The following LRRC7 variants were observed in gnomAD, a reference collection of about 807,000 sequenced individuals.
LRRC7 encodes the protein leucine rich repeat containing 7.
LRRC7 carries 23 observed loss-of-function variants against 175.7 expected under a neutral mutation model. The ratio of observed to expected loss-of-function variants is 0.13; its 90% confidence interval spans 0.09 to 0.19. The LOEUF (loss-of-function observed/expected upper bound fraction) is 0.19. Among genes scored for constraint, LRRC7 ranks in the 10% least tolerant of loss-of-function variants. The probability of loss-of-function intolerance (pLI) is 1.00; values close to 1 mark genes in which losing one functional copy is unlikely to be tolerated. For synonymous variants in LRRC7, 685 were observed against 680.9 expected, an observed-to-expected ratio of 1.01 and a Z score of -0.09; for missense variants, 1,354 against 1,904.7, an observed-to-expected ratio of 0.71 and a Z score of 5.38.
chr1:70,082,812 T>TTTTTTTA (rs1663321284), intron 24 of LRRC7, among the ~76,000 whole-genome samples: 1 of 139,690 alleles, frequency 7.2e-6, no homozygotes, highest in Non-Finnish European at 1.5e-5. Context: ...TTTTTTTTTT[T>TTTTTTTA]GAGACAAAGC....
chr1:69,980,275 C>G, intron 8 of LRRC7, 104 bp from the exon 9 acceptor site: 1 of 1,015,696 alleles, frequency 9.8e-7, no homozygotes, highest in Non-Finnish European at 1.5e-6. Flanking sequence ...ACTAGATTCC[C>G]AAATAAAAGC....
Position 69,934,509 on chromosome 1 carries a change from GGGT to G in LRRC7, c.711+2942_711+2944del, listed in dbSNP as rs1570718817. ...GATATTTTGGCGGGGGGGGGGCGGG[GGGT>G]GGGGGGTTTTGTTGTTTCTTTCATG... On this transcript the variant is annotated intron_variant, in intron 8 of 26. Coordinates refer to ENST00000651989, the MANE Select transcript of LRRC7 (RefSeq NM_001370785.2). Among the ~76,000 whole-genome samples, 656 of 90,128 alleles carry G rather than the reference GGGT, an allele frequency of 7.3e-3. 1 individual carries two copies. Among genetic ancestry groups the G allele is most frequent in the East Asian group, 0.025 (59 of 2,320 alleles). 59.1% of individuals were successfully genotyped at this position (90,128 alleles called of 152,430 possible).
At chr1:69,574,893 A>C (rs1460424977) in intron 1 of LRRC7, among the ~76,000 whole-genome samples, 1 of 152,214 alleles carries the variant, frequency 6.6e-6, no homozygotes, top group Non-Finnish European at 1.5e-5. Flanking sequence ...AGACAATTAT[A>C]AAAGCTATTG....
At chr1:69,906,719 C>T (rs1366051873) in intron 7 of LRRC7, among the ~76,000 whole-genome samples, 1 of 152,054 alleles carries the variant, frequency 6.6e-6, no homozygotes, top group Non-Finnish European at 1.5e-5. Flanking sequence ...GTTCTTTTGG[C>T]TTAGGATTGA....
At chr1:69,964,913 G>A (rs971016643) in intron 8 of LRRC7, among the ~76,000 whole-genome samples, 10 of 152,160 alleles carry the variant, frequency 6.6e-5, no homozygotes, top group Admixed American at 5.9e-4. Flanking sequence ...CTGGTTTGAT[G>A]CAGACACCCT....
At chr1:70,053,922 A>G (rs1660933618) in intron 23 of LRRC7, among the ~76,000 whole-genome samples, 1 of 152,212 alleles carries the variant, frequency 6.6e-6, no homozygotes, top group Non-Finnish European at 1.5e-5. Context: ...GGGAAATGCA[A>G]AAGATATGCC....
chr1:69,955,030 C>A (rs191961501), intron 8 of LRRC7, among the ~76,000 whole-genome samples: 161 of 152,152 alleles, frequency 1.1e-3, no homozygotes, highest in Non-Finnish European at 1.2e-3. Context: ...TTCATTTCTT[C>A]GTTCATTCAA....
chr1:69,789,988 A>G (rs1376868189), intron 3 of LRRC7, among the ~76,000 whole-genome samples: 1 of 152,024 alleles, frequency 6.6e-6, no homozygotes, highest in Non-Finnish European at 1.5e-5. Flanking sequence ...AGACACATCC[A>G]TATTGTAGTG....
In LRRC7 at chr1:69,695,729, C is replaced by T. The variant is rs563798380; in HGVS notation, c.100+17251C>T. On this transcript the variant is annotated intron_variant, in intron 2 of 26. Transcript: ENST00000651989. Reference sequence around the variant, plus strand: ...AGGACATAGCTCCCCACATGCCAGCCGCTCTGGCTTCAGCCTTAGCTTAAA... The same window carrying T: ...AGGACATAGCTCCCCACATGCCAGCTGCTCTGGCTTCAGCCTTAGCTTAAA... Among the ~76,000 whole-genome samples the T allele has an allele frequency of 9.2e-5, 14 of 152,322 alleles. No homozygotes were observed. In the South Asian group the frequency reaches 1.2e-3, roughly 14 times the overall value.
intron 26 of LRRC7, 111 bp downstream of exon 26, chr1:70,107,937 T>A: frequency 1.1e-6 from 1 of 943,890 alleles, no homozygotes; most frequent in Non-Finnish European, 1.6e-6. Flanking sequence ...CCTTCTCACA[T>A]TGCTTATTTG....
chr1:70,045,175 A>G (rs937578129), intron 22 of LRRC7, among the ~76,000 whole-genome samples: 5 of 146,282 alleles, frequency 3.4e-5, no homozygotes, highest in African/African-American at 1.2e-4. Context: ...CCGTAACTTT[A>G]AAAAAAAAAA....
At chr1:69,988,410 A>C (rs1654132465) in intron 10 of LRRC7, among the ~76,000 whole-genome samples, 1 of 152,192 alleles carries the variant, frequency 6.6e-6, no homozygotes, top group Admixed American at 6.5e-5. Flanking sequence ...TCTCTGAAAA[A>C]AAAATTCTAA....
chr1:69,673,001 A>C (rs1360165467), intron 1 of LRRC7, among the ~76,000 whole-genome samples: 2 of 152,158 alleles, frequency 1.3e-5, no homozygotes, highest in African/African-American at 4.8e-5. Context: ...CTCAGGCCCT[A>C]CATATCTGTG....
chr1:70,118,611 A>C (rs1048444089), intron 26 of LRRC7, among the ~76,000 whole-genome samples: 8 of 152,172 alleles, frequency 5.3e-5, no homozygotes, highest in African/African-American at 1.9e-4. Context: ...TATTTCAATG[A>C]AGTAATGAAA....
chr1:70,116,950 C>A (rs74534425), intron 26 of LRRC7, among the ~76,000 whole-genome samples: 3,250 of 152,282 alleles, frequency 0.021, 117 homozygotes, highest in African/African-American at 0.076. Flanking sequence ...ACCATGAAGG[C>A]TTGCTCTTAA....
chr1:69,839,987 A>G (rs74759039), intron 7 of LRRC7, among the ~76,000 whole-genome samples: 2,603 of 152,144 alleles, frequency 0.017, 77 homozygotes, highest in African/African-American at 0.06. Flanking sequence ...GTAGAATAAT[A>G]TGCATAAACC....
intron 2 of LRRC7, among the ~76,000 whole-genome samples, chr1:69,710,877 A>G (rs1664675621): frequency 6.6e-6 from 1 of 152,186 alleles, no homozygotes; most frequent in African/African-American, 2.4e-5. Flanking sequence ...GATAACCAGA[A>G]CTTAGTCTCA....
intron 5 of LRRC7, among the ~76,000 whole-genome samples, chr1:69,834,137 T>A (rs541401652): frequency 6.6e-6 from 1 of 152,294 alleles, no homozygotes; most frequent in East Asian, 1.9e-4. Flanking sequence ...ATTTTCTTAA[T>A]TTTTTGATGC....
rs182460252 is a variant in LRRC7, at chr1:69,922,178, G to A, written c.648-9329G>A. Reference sequence around the variant, plus strand: ...TGACCTCAGGTGATCCACCTGCCTCGGCCCCCCAAAGTGCTGGGATTACAG... The same window carrying A: ...TGACCTCAGGTGATCCACCTGCCTCAGCCCCCCAAAGTGCTGGGATTACAG... On this transcript the variant is annotated intron_variant, in intron 7 of 26. Coordinates refer to ENST00000651989, the MANE Select transcript of LRRC7 (RefSeq NM_001370785.2). Among the ~76,000 whole-genome samples, 58 of 152,082 alleles carry A rather than the reference G, an allele frequency of 3.8e-4. 1 individual carries two copies. In the East Asian group the frequency reaches 0.01, roughly 27 times the overall value.
Sources: allele counts gnomAD v4.1 joint callset (sites outside exome capture counted in the v4.1 genomes callset), GRCh38; gene constraint gnomAD v4.1.1; transcripts MANE v1.5; gene names NCBI Gene and HGNC (gene_info 2026-07-23, HGNC 2026-07-21).